Variants in CEP43 observed in about 807,000 individuals in gnomAD.
CEP43 encodes the protein centrosomal protein 43.
In CEP43, 36 loss-of-function variants were observed where a neutral mutation model predicts 52.6. That is an observed-to-expected ratio of 0.68 (90% CI 0.52 to 0.90). The LOEUF is 0.90. Ranked by LOEUF, CEP43 falls within the 40% of genes least tolerant of loss-of-function variation. The pLI is 0.00. For missense variants in CEP43, 506 were observed against 472.8 expected, an observed-to-expected ratio of 1.07 and a Z score of -0.65; for synonymous variants, 192 against 172.4, an observed-to-expected ratio of 1.11 and a Z score of -0.89.
rs1275293571 is a variant in CEP43 at position 167,010,806 on chromosome 6, AT to A, written c.439-3del. ...ATGTATTTTAATTTTAAACTAAAATATTTTAGGGTGCACTTGATCTATCTGA... is the reference window on the plus strand; with the variant it reads ...ATGTATTTTAATTTTAAACTAAAATATTTAGGGTGCACTTGATCTATCTGA... On this transcript the variant is annotated splice_region_variant and splice_polypyrimidine_tract_variant and intron_variant, in intron 5 of 12. Coordinates refer to ENST00000366847, the MANE Select transcript of CEP43 (RefSeq NM_007045.4). The A allele has an allele frequency of 3.4e-6, 5 of 1,479,836 alleles. No individual in the cohort carries two copies. Among genetic ancestry groups the A allele is most frequent in the Non-Finnish European group, 4.5e-6 (5 of 1,101,110 alleles). The allele number at this position is 1,479,836 out of a possible 1,614,324, so 91.7% of individuals were successfully genotyped here.
At position 167,042,758 on chromosome 6, in the gene CEP43, C is replaced by G. The variant is rs1319662212; in HGVS notation, c.*2780C>G. On this transcript the variant is annotated 3_prime_UTR_variant, in exon 13 of 13. Transcript: ENST00000366847. ...CTCCCTGTCCCTGCCCCACCACTTG[C>G]ATTTACCCCTTTTATTTTATTCATC... The G allele has an allele frequency of 1.3e-5, 2 of 150,666 alleles. No homozygotes were observed. Among genetic ancestry groups the G allele is most frequent in the African/African-American group, 4.9e-5 (2 of 40,666 alleles). 9.3% of individuals were successfully genotyped at this position (150,666 alleles called of 1,614,324 possible).
At position 167,044,751 on chromosome 6, in the gene CEP43, C is replaced by T; in HGVS notation, c.*4773C>T. On this transcript the variant is annotated 3_prime_UTR_variant, in exon 13 of 13. Coordinates refer to ENST00000366847, the MANE Select transcript of CEP43 (RefSeq NM_007045.4). ...TGCAGAAACGTGTGCTCTGCTACAG[C>T]CCTGGGAGGAGGGGCCGGGCTCCCA... 1 of 171,254 alleles carries T rather than the reference C, an allele frequency of 5.8e-6. No individual in the cohort carries two copies. Among genetic ancestry groups the T allele is most frequent in the Non-Finnish European group, 1.2e-5 (1 of 85,374 alleles). The allele number at this position is 171,254 out of a possible 1,614,324, so 10.6% of individuals were successfully genotyped here. A position where few individuals can be genotyped will look rare whatever the true frequency, so the allele number is the denominator to read the frequency against.
intron 5 of CEP43, among the ~76,000 whole-genome samples, chr6:167,006,231 G>A (rs967024827): frequency 2.6e-5 from 4 of 152,200 alleles, no homozygotes; most frequent in African/African-American, 9.7e-5. Context: ...AAAATATTCG[G>A]ATAGGCTGAG....
chr6:167,036,787 G>C (rs538145366), intron 12 of CEP43: 2 of 984,202 alleles, frequency 2.0e-6, no homozygotes, highest in Non-Finnish European at 1.2e-6. Flanking sequence ...CATGAAAGCC[G>C]CCTTTATTAG....
Position 167,040,004 on chromosome 6 carries a change from A to T in CEP43, c.*26A>T. ...ACACGAAGAAGGAAGTATTCTAATT[A>T]ACAAGGACAGAGGACTGACCGGTTC... On this transcript the variant is annotated 3_prime_UTR_variant, in exon 13 of 13. Coordinates refer to ENST00000366847, the MANE Select transcript of CEP43 (RefSeq NM_007045.4). 6.2e-7 allele frequency: 1 copy of T among 1,610,264 alleles called. No individual in the cohort carries two copies. The highest frequency in any genetic ancestry group is 8.5e-7 in the Non-Finnish European group (1 of 1,179,352).
intron 12 of CEP43, chr6:167,036,622 G>T (rs988703251): frequency 1.0e-6 from 1 of 985,212 alleles, no homozygotes; most frequent in Admixed American, 6.2e-5. Context: ...AGTTCCCGTC[G>T]ATTTGTATGA....
chr6:167,024,719 A>G (rs980410715), intron 8 of CEP43, 63 bp from the exon 9 acceptor site: 87 of 1,084,434 alleles, frequency 8.0e-5, no homozygotes, highest in Non-Finnish European at 8.6e-5. Context: ...TTTCTGTGGC[A>G]GAATAAAAGT....
At position 167,024,854 on chromosome 6, in the gene CEP43, C is replaced by T; in HGVS notation, c.879C>T (p.Leu293=). Residue 293 remains leucine, a synonymous_variant, in exon 9 of 13, where the codon CTC becomes CTT. Transcript: ENST00000366847. ...ATGCACCCCCCTTAAAAAGTGGACT[C>T]AGCTCCCTGGCGGGAGCCCCTTCTT... The part of the protein sequence containing the change: ...LSDAPPLKSG[L]SSLAGAPSLK... The T allele has an allele frequency of 6.2e-7, 1 of 1,613,836 alleles. No individual in the cohort carries two copies. Among genetic ancestry groups the T allele is most frequent in the Middle Eastern group, 1.6e-4 (1 of 6,062 alleles).
intron 7 of CEP43, among the ~76,000 whole-genome samples, chr6:167,016,781 A>G (rs1329327928): frequency 1.3e-5 from 2 of 152,098 alleles, no homozygotes; most frequent in South Asian, 2.1e-4. Context: ...ACTTCTCTAA[A>G]TAATTCATTA....
At chr6:167,003,669 A>T (rs1427524394) in intron 3 of CEP43, 54 bp from the exon 4 acceptor site, 3 of 1,109,100 alleles carry the variant, frequency 2.7e-6, no homozygotes, top group South Asian at 1.3e-5. Context: ...ATGTTAATTT[A>T]AAAAATTCAG....
At chr6:167,023,845 C>T (rs1262987086) in intron 8 of CEP43, among the ~76,000 whole-genome samples, 4 of 151,710 alleles carry the variant, frequency 2.6e-5, no homozygotes, top group Admixed American at 1.3e-4. Flanking sequence ...AATGGGGGTG[C>T]GAGGCAGGTT....
At chr6:167,030,884 C>T (rs1010165192) in intron 10 of CEP43, among the ~76,000 whole-genome samples, 1 of 146,622 alleles carries the variant, frequency 6.8e-6, no homozygotes, top group African/African-American at 2.5e-5. Flanking sequence ...CAAAGCTTCC[C>T]TTTGTATTCA....
chr6:167,041,962 T>G lies in CEP43; in HGVS notation c.*1984T>G. 3 of 412,746 alleles carry G rather than the reference T, an allele frequency of 7.3e-6. No individual in the cohort carries two copies. Among genetic ancestry groups the G allele is most frequent in the Non-Finnish European group, 9.9e-6 (3 of 302,080 alleles). 25.6% of individuals were successfully genotyped at this position (412,746 alleles called of 1,614,324 possible). A position where few individuals can be genotyped will look rare whatever the true frequency, so the allele number is the denominator to read the frequency against. ...CTTCAGCCTCCTGAGTAGCTGGGAT[T>G]ACAGGTGCACACCACCACGCCCGGC... On this transcript the variant is annotated 3_prime_UTR_variant, in exon 13 of 13. Transcript: ENST00000366847.
At chr6:167,028,318 G>T in intron 10 of CEP43, 2 of 985,418 alleles carry the variant, frequency 2.0e-6, no homozygotes, top group Non-Finnish European at 2.4e-6. Context: ...TGGGGCTGCA[G>T]AGTTGCTGGG....
chr6:166,999,739 C>T (rs1277066663), intron 1 of CEP43: 28 of 498,130 alleles, frequency 5.6e-5, no homozygotes, highest in Non-Finnish European at 9.8e-5. Flanking sequence ...GGGTGCCTGG[C>T]CCATCCCCTG....
chr6:167,031,876 C>T (rs1157116180), intron 10 of CEP43, among the ~76,000 whole-genome samples: 1 of 152,182 alleles, frequency 6.6e-6, no homozygotes, highest in Non-Finnish European at 1.5e-5. Context: ...TCTGAAGGTG[C>T]CCCCTCTGTC....
At position 167,013,619 on chromosome 6, in the gene CEP43, G is replaced by A. The variant is rs749541571; in HGVS notation, c.579+52G>A. The stretch of plus-strand genomic sequence containing the variant: ...AAGCAGCCTGTGGGCATCAGGTCTC[G>A]ACTCTGGGGCCTCCTGGAGCGCTGG... On this transcript the variant is annotated intron_variant, in intron 7 of 12. Transcript: ENST00000366847. 13 of 1,450,742 alleles carry A rather than the reference G, an allele frequency of 9.0e-6. No individual in the cohort carries two copies. The African/African-American group carries it at 1.1e-4, about 13-fold the overall frequency. The allele number at this position is 1,450,742 out of a possible 1,614,324, so 89.9% of individuals were successfully genotyped here. A position where few individuals can be genotyped will look rare whatever the true frequency, so the allele number is the denominator to read the frequency against.
In CEP43 at chr6:167,047,241, C is replaced by T. The variant is rs557480486; in HGVS notation, c.*7263C>T. The T allele has an allele frequency of 6.6e-6, 1 of 152,344 alleles. No individual in the cohort carries two copies. The highest frequency in any genetic ancestry group is 2.4e-5 in the African/African-American group (1 of 41,548). 9.4% of individuals were successfully genotyped at this position (152,344 alleles called of 1,614,324 possible). A position where few individuals can be genotyped will look rare whatever the true frequency, so the allele number is the denominator to read the frequency against. On this transcript the variant is annotated 3_prime_UTR_variant, in exon 13 of 13. Coordinates refer to ENST00000366847, the MANE Select transcript of CEP43 (RefSeq NM_007045.4). ...AGAATCACGAGGGAGGAGCACAGGC[C>T]ACCCTAGACAGGAGGGGTCCCCTAC...
At chr6:167,013,394 A>G in intron 6 of CEP43, 114 bp from the exon 7 acceptor site, 1 of 777,018 alleles carries the variant, frequency 1.3e-6, no homozygotes, top group East Asian at 2.8e-5. Context: ...CATATTAACT[A>G]GATGTTCCAC....
Sources: allele counts gnomAD v4.1 joint callset (sites outside exome capture counted in the v4.1 genomes callset), GRCh38; gene constraint gnomAD v4.1.1; transcripts MANE v1.5; gene names NCBI Gene and HGNC (gene_info 2026-07-23, HGNC 2026-07-21).